The following DLGAP2 variants were observed in gnomAD, a reference collection of about 807,000 sequenced individuals.
The protein encoded by DLGAP2 is DLG associated protein 2.
A neutral mutation model predicts 100.3 loss-of-function variants in DLGAP2; 26 were observed. The ratio of observed to expected loss-of-function variants is 0.26; its 90% confidence interval spans 0.19 to 0.36. The LOEUF is 0.36. Ranked by LOEUF, DLGAP2 falls within the 10% of genes least tolerant of loss-of-function variation. DLGAP2 has a pLI of 1.00. For synonymous variants in DLGAP2, 886 were observed against 630.1 expected (o/e 1.41, Z -6.08); for missense variants, 1,858 against 1,453.2 (o/e 1.28, Z -4.53).
chr8:1,192,772 T>G (rs1180748538), intron 2 of DLGAP2, among the ~76,000 whole-genome samples: 1 of 151,882 alleles, frequency 6.6e-6, no homozygotes, highest in African/African-American at 2.4e-5. Context: ...GCTGCACCCA[T>G]TAACTCCTCA....
At chr8:1,003,665 G>T (rs1024030968) in intron 2 of DLGAP2, among the ~76,000 whole-genome samples, 2 of 152,154 alleles carry the variant, frequency 1.3e-5, no homozygotes, top group Non-Finnish European at 1.5e-5. Flanking sequence ...GATTTGACTG[G>T]GCAGTCAGGC....
chr8:1,587,309 G>T (rs989354376), intron 6 of DLGAP2, among the ~76,000 whole-genome samples: 4 of 152,196 alleles, frequency 2.6e-5, no homozygotes, highest in African/African-American at 9.7e-5. Context: ...ATAGTGGTCT[G>T]CCAGCTTCAG....
At position 1,563,727 on chromosome 8, in the gene DLGAP2, C is replaced by G. The variant is rs185839159; in HGVS notation, c.1231-1956C>G. Among the ~76,000 whole-genome samples, 103 of 152,158 alleles carry G rather than the reference C, an allele frequency of 6.8e-4. 1 individual carries two copies. Among genetic ancestry groups the G allele is most frequent in the Admixed American group, 1.8e-3 (28 of 15,292 alleles). On this transcript the variant is annotated intron_variant, in intron 5 of 14. Transcript: ENST00000637795. ...TCCTGGGCTGCAATGTGGAAGATGT[C>G]AGATCTGCCGGAGCACTGGTGTGGC...
At chr8:766,164 C>T (rs746146737) in intron 1 of DLGAP2, among the ~76,000 whole-genome samples, 14 of 152,174 alleles carry the variant, frequency 9.2e-5, no homozygotes, top group Non-Finnish European at 2.1e-4. Context: ...GAGACTCTGT[C>T]TCAAAAAAAC....
chr8:1,135,850 C>T (rs150814754), intron 2 of DLGAP2, among the ~76,000 whole-genome samples: 43 of 152,220 alleles, frequency 2.8e-4, no homozygotes, highest in South Asian at 4.2e-4. Context: ...CTGCTGAGCA[C>T]GGGGGATTGG....
intron 7 of DLGAP2, among the ~76,000 whole-genome samples, chr8:1,627,937 G>T (rs1290538410): frequency 4.0e-5 from 6 of 149,470 alleles, no homozygotes; most frequent in Non-Finnish European, 8.9e-5. Context: ...TGTGGAGCAG[G>T]GATTAAGAGC....
chr8:893,394 A>G (rs1365526976), intron 1 of DLGAP2, among the ~76,000 whole-genome samples: 3 of 152,368 alleles, frequency 2.0e-5, no homozygotes, highest in African/African-American at 4.8e-5. Context: ...CCTGTGATTC[A>G]TCTAACTTAC....
chr8:1,040,904 C>A (rs1218213001), intron 2 of DLGAP2, among the ~76,000 whole-genome samples: 1 of 152,066 alleles, frequency 6.6e-6, no homozygotes. Flanking sequence ...CTGGAGCTGC[C>A]CTCTTTTGAT....
chr8:1,175,166 T>C (rs1012590699), intron 2 of DLGAP2, among the ~76,000 whole-genome samples: 6 of 152,158 alleles, frequency 3.9e-5, no homozygotes, highest in African/African-American at 1.4e-4. Context: ...ATTTATCTGA[T>C]GACATTTCTG....
In DLGAP2 at chr8:999,431, T is replaced by G. The variant is rs1233396357; in HGVS notation, c.73+91465T>G. On this transcript the variant is annotated intron_variant, in intron 2 of 14. Transcript: ENST00000637795. Reference sequence around the variant, plus strand: ...TTTTCCTGTGCTTTGTATTTTGTTTTGATAGTTGCTGTCCTGATTTACCTC... The same window carrying G: ...TTTTCCTGTGCTTTGTATTTTGTTTGGATAGTTGCTGTCCTGATTTACCTC... 2.0e-5 allele frequency among the ~76,000 whole-genome samples: 3 copies of G among 152,094 alleles called. No homozygotes were observed. The East Asian group carries it at 5.8e-4, about 29-fold the overall frequency.
At chr8:1,573,913 A>G (rs564978347) in intron 6 of DLGAP2, among the ~76,000 whole-genome samples, 1 of 152,252 alleles carries the variant, frequency 6.6e-6, no homozygotes, top group East Asian at 1.9e-4. Flanking sequence ...AGTGCACTTC[A>G]GTGAGTAGTC....
intron 2 of DLGAP2, among the ~76,000 whole-genome samples, chr8:918,919 G>A (rs1462095138): frequency 6.6e-6 from 1 of 152,146 alleles, no homozygotes; most frequent in East Asian, 1.9e-4. Flanking sequence ...AGCTTTCAGT[G>A]CTGTAGGGTT....
At chr8:797,774 G>C (rs933490728) in intron 1 of DLGAP2, among the ~76,000 whole-genome samples, 1 of 152,038 alleles carries the variant, frequency 6.6e-6, no homozygotes, top group Non-Finnish European at 1.5e-5. Flanking sequence ...TTTTGAGATG[G>C]AGTTTCACTC....
chr8:1,358,435 G>C (rs1801904468), intron 3 of DLGAP2, among the ~76,000 whole-genome samples: 1 of 152,104 alleles, frequency 6.6e-6, no homozygotes, highest in African/African-American at 2.4e-5. Context: ...TGGTTAAGGA[G>C]GTAGATTTTA....
intron 2 of DLGAP2, among the ~76,000 whole-genome samples, chr8:1,162,394 A>G (rs367770729): frequency 1.4e-4 from 21 of 152,344 alleles, no homozygotes; most frequent in African/African-American, 4.3e-4. Context: ...GTAGAAGAGA[A>G]AGAATATTGT....
intron 3 of DLGAP2, among the ~76,000 whole-genome samples, chr8:1,471,651 C>G (rs1180763911): frequency 6.6e-6 from 1 of 151,484 alleles, no homozygotes. Context: ...CTCAAACAAC[C>G]ACCCCACACA....
rs759702117 is a variant in DLGAP2 at position 1,549,158 on chromosome 8, C to G, written c.705C>G (p.Ser235=). The G allele has an allele frequency of 1.9e-6, 3 of 1,596,540 alleles. No individual in the cohort carries two copies. Among genetic ancestry groups the G allele is most frequent in the African/African-American group, 2.7e-5 (2 of 74,602 alleles). Residue 235 remains serine, a synonymous_variant, in exon 5 of 15, where the codon TCC becomes TCG. Transcript: ENST00000637795. ...GGCGGATCCGCCACCTGGTACACTC[C>G]GTGCAGAAGCTCTTCACCAAGTCGC... ...SPGRIRHLVH[S]VQKLFTKSHS...
intron 2 of DLGAP2, among the ~76,000 whole-genome samples, chr8:1,098,393 C>T (rs970960665): frequency 6.6e-6 from 1 of 152,226 alleles, no homozygotes; most frequent in Non-Finnish European, 1.5e-5. Context: ...CAGGGACACC[C>T]GACGTGTGAC....
In DLGAP2 at chr8:1,039,525, G is replaced by C. The variant is rs368178614; in HGVS notation, c.73+131559G>C. On this transcript the variant is annotated intron_variant, in intron 2 of 14. Coordinates refer to ENST00000637795, the MANE Select transcript of DLGAP2 (RefSeq NM_001346810.2). Reference sequence around the variant, plus strand: ...ATGGTCGGCTCGGTGTGCATGTTCAGCTCGGTGTGCGTGGTCAGCTTGGTG... The same window carrying C: ...ATGGTCGGCTCGGTGTGCATGTTCACCTCGGTGTGCGTGGTCAGCTTGGTG... 1.0e-3 allele frequency among the ~76,000 whole-genome samples: 133 copies of C among 132,024 alleles called. 2 individuals are homozygous for C. The highest frequency in any genetic ancestry group is 3.8e-3 in the African/African-American group (128 of 33,286). 86.6% of individuals were successfully genotyped at this position (132,024 alleles called of 152,430 possible). A position where few individuals can be genotyped will look rare whatever the true frequency, so the allele number is the denominator to read the frequency against.
Sources: gnomAD v4.1 joint callset for allele counts (sites outside exome capture counted in the v4.1 genomes callset) on GRCh38, gnomAD v4.1.1 for gene constraint, MANE v1.5 for transcripts, NCBI Gene and HGNC (gene_info 2026-07-23, HGNC 2026-07-21) for gene names.